PRKN: variants seen among roughly 807,000 people sequenced by gnomAD.
PRKN encodes the protein E3 ubiquitin-protein ligase parkin.
Under a neutral mutation model 59.5 loss-of-function variants are expected in PRKN, and 56 were observed. That is an observed-to-expected ratio of 0.94 (90% CI 0.76 to 1.18). The LOEUF (loss-of-function observed/expected upper bound fraction) is 1.18, where lower values mean the gene tolerates loss of function less well. Ranked by LOEUF, PRKN falls within the 50% of genes most tolerant of loss-of-function variation. The pLI is 0.00. For missense variants in PRKN, 657 were observed against 596.4 expected (o/e 1.10, Z -1.06); for synonymous variants, 250 against 222.1 (o/e 1.13, Z -1.12).
chr6:162,009,340 G>C (rs184140164), intron 5 of PRKN, among the ~76,000 whole-genome samples: 26 of 149,736 alleles, frequency 1.7e-4, no homozygotes, highest in Non-Finnish European at 3.8e-4. Flanking sequence ...TAAAAATTGG[G>C]AAAAATGGAA....
chr6:161,815,084 A>G (rs988056949), intron 6 of PRKN, among the ~76,000 whole-genome samples: 1 of 152,202 alleles, frequency 6.6e-6, no homozygotes, highest in Non-Finnish European at 1.5e-5. Flanking sequence ...AAGTCTAGGG[A>G]ACAGACCATA....
At chr6:162,167,334 G>A (rs909477493) in intron 4 of PRKN, among the ~76,000 whole-genome samples, 21 of 152,058 alleles carry the variant, frequency 1.4e-4, no homozygotes, top group African/African-American at 3.4e-4. Flanking sequence ...TTGGAGTCTC[G>A]GCCCTGACGT....
At chr6:162,691,590 G>A (rs1484926755) in intron 1 of PRKN, among the ~76,000 whole-genome samples, 1 of 152,066 alleles carries the variant, frequency 6.6e-6, no homozygotes, top group African/African-American at 2.4e-5. Flanking sequence ...AACCCTTAAA[G>A]GATCAAAATG....
chr6:162,600,260 C>A (rs945176961), intron 1 of PRKN, among the ~76,000 whole-genome samples: 1 of 152,128 alleles, frequency 6.6e-6, no homozygotes, highest in Non-Finnish European at 1.5e-5. Flanking sequence ...TCCTTTCAAC[C>A]AGCATAGGGT....
intron 1 of PRKN, among the ~76,000 whole-genome samples, chr6:162,480,108 T>C (rs1476531614): frequency 6.6e-6 from 1 of 151,872 alleles, no homozygotes; most frequent in East Asian, 1.9e-4. Context: ...TAACTATAAA[T>C]ACACAAACCA....
chr6:161,506,675 G>A (rs1339609469), intron 9 of PRKN, among the ~76,000 whole-genome samples: 3 of 152,142 alleles, frequency 2.0e-5, no homozygotes, highest in Non-Finnish European at 4.4e-5. Flanking sequence ...AGTGGCAGGT[G>A]GCTGTGGGGA....
chr6:161,991,765 C>G (rs1781656991), intron 5 of PRKN, among the ~76,000 whole-genome samples: 1 of 151,990 alleles, frequency 6.6e-6, no homozygotes, highest in Non-Finnish European at 1.5e-5. Flanking sequence ...GTTGCTTGAA[C>G]CCAGGAGGTG....
intron 1 of PRKN, among the ~76,000 whole-genome samples, chr6:162,612,528 G>A (rs1395200607): frequency 2.1e-5 from 3 of 145,264 alleles, no homozygotes; most frequent in Admixed American, 7.0e-5. Flanking sequence ...TGGTCCTAGG[G>A]ACCAGATGCA....
At chr6:162,507,377 G>T (rs1373495061) in intron 1 of PRKN, among the ~76,000 whole-genome samples, 1 of 151,982 alleles carries the variant, frequency 6.6e-6, no homozygotes. Context: ...CTGGGAAGCA[G>T]AAAAGATGAC....
intron 6 of PRKN, among the ~76,000 whole-genome samples, chr6:161,915,372 T>C (rs193033886): frequency 6.6e-6 from 1 of 152,258 alleles, no homozygotes; most frequent in East Asian, 1.9e-4. Flanking sequence ...CACCCTATTC[T>C]TATTATTCTA....
chr6:161,826,185 C>T (rs1430426569), intron 6 of PRKN, among the ~76,000 whole-genome samples: 2 of 152,020 alleles, frequency 1.3e-5, no homozygotes, highest in African/African-American at 2.4e-5. Context: ...CATGTCAGTA[C>T]GGATGACCTT....
chr6:161,847,126 G>A (rs1793232321), intron 6 of PRKN, among the ~76,000 whole-genome samples: 1 of 152,150 alleles, frequency 6.6e-6, no homozygotes, highest in Non-Finnish European at 1.5e-5. Flanking sequence ...TGGCCAACAT[G>A]GTGAAACCCC....
intron 7 of PRKN, among the ~76,000 whole-genome samples, chr6:161,622,133 G>T (rs1782927090): frequency 6.6e-6 from 1 of 152,080 alleles, no homozygotes. Flanking sequence ...GTGAGAGGAG[G>T]GGTCCCCAGG....
At chr6:162,171,947 A>ATAGCTCTTCC (rs1783300104) in intron 4 of PRKN, among the ~76,000 whole-genome samples, 1 of 152,178 alleles carries the variant, frequency 6.6e-6, no homozygotes, top group South Asian at 2.1e-4. Context: ...CTGCCACTAC[A>ATAGCTCTTCC]TAGCTCTTCC....
In PRKN at chr6:161,459,125, G is replaced by T. The variant is rs886204808; in HGVS notation, c.1084-72248C>A. ...GTTAGTGGCCCAGTAGCCAAAAGAA[G>T]CTACTTTCAGAAGTGGTACTTAGCA... On this transcript the variant is annotated intron_variant, in intron 9 of 11. Transcript: ENST00000366898. This position sits in a 1 kb window ranked among gnomAD's most constrained non-coding sequence, Gnocchi z 4.8. 3.9e-5 allele frequency among the ~76,000 whole-genome samples: 6 copies of T among 152,150 alleles called. No individual in the cohort carries two copies. The highest frequency in any genetic ancestry group is 1.4e-4 in the African/African-American group (6 of 41,438).
At chr6:161,535,176 CTA>C (rs1779366483) in intron 9 of PRKN, among the ~76,000 whole-genome samples, 1 of 152,182 alleles carries the variant, frequency 6.6e-6, no homozygotes, top group African/African-American at 2.4e-5. Context: ...AATGCAAACT[CTA>C]TTTATCTGCA....
chr6:162,350,569 G>A (rs1784581867), intron 2 of PRKN, among the ~76,000 whole-genome samples: 1 of 152,198 alleles, frequency 6.6e-6, no homozygotes, highest in Admixed American at 6.5e-5. Context: ...GCTATTCAGT[G>A]CAGAATGAAT....
At chr6:162,519,245 G>C (rs1347084906) in intron 1 of PRKN, among the ~76,000 whole-genome samples, 5 of 152,188 alleles carry the variant, frequency 3.3e-5, no homozygotes, top group African/African-American at 1.2e-4. Flanking sequence ...TTAAAATACG[G>C]AATAACTTAA....
intron 6 of PRKN, among the ~76,000 whole-genome samples, chr6:161,824,903 T>C (rs1012897589): frequency 6.6e-6 from 1 of 152,204 alleles, no homozygotes; most frequent in Non-Finnish European, 1.5e-5. Flanking sequence ...GTTTTGTCAA[T>C]TGATCAAATA....
Sources: allele counts gnomAD v4.1 joint callset (sites outside exome capture counted in the v4.1 genomes callset), GRCh38; gene constraint gnomAD v4.1.1; non-coding constraint Gnocchi (gnomAD v3.1); transcripts MANE v1.5; gene names NCBI Gene and HGNC (gene_info 2026-07-23, HGNC 2026-07-21).